Variants in SLF1 observed in about 807,000 individuals in gnomAD.
SLF1 encodes the protein SMC5/6 complex localization factor 1.
A neutral mutation model predicts 123.0 loss-of-function variants in SLF1; 105 were observed. The observed-to-expected ratio is 0.85, with a 90% confidence interval of 0.73 to 1.00. The LOEUF is 1.00. SLF1 is among the 50% of genes least tolerant of loss of function. The pLI is 0.00. For missense variants in SLF1, 1,239 were observed against 1,223.0 expected, an observed-to-expected ratio of 1.01 and a Z score of -0.20; for synonymous variants, 434 against 406.6, an observed-to-expected ratio of 1.07 and a Z score of -0.81.
chr5:94,630,913 A>T (rs893865600), intron 4 of SLF1, among the ~76,000 whole-genome samples, 170 bp downstream of exon 4: 1 of 152,212 alleles, frequency 6.6e-6, no homozygotes, highest in African/African-American at 2.4e-5. Flanking sequence ...TCTTTAATAG[A>T]ACAAAATCTA....
intron 9 of SLF1, 49 bp from the exon 10 acceptor site, chr5:94,662,249 T>C: frequency 6.7e-7 from 1 of 1,482,586 alleles, no homozygotes; most frequent in Non-Finnish European, 9.1e-7. Flanking sequence ...CTGAAATGTA[T>C]TTTTCAATCT....
intron 1 of SLF1, among the ~76,000 whole-genome samples, chr5:94,622,617 T>C (rs1791894464): frequency 6.6e-6 from 1 of 152,186 alleles, no homozygotes; most frequent in African/African-American, 2.4e-5. Flanking sequence ...TTAATCTTTC[T>C]ATATACTTTG....
intron 4 of SLF1, among the ~76,000 whole-genome samples, chr5:94,638,404 C>T (rs1746054538): frequency 6.6e-6 from 1 of 151,990 alleles, no homozygotes; most frequent in South Asian, 2.1e-4. Flanking sequence ...TAGTCTCGAT[C>T]TCTGACCTCG....
At chr5:94,641,077 A>T (rs1437001115) in intron 4 of SLF1, among the ~76,000 whole-genome samples, 1 of 152,136 alleles carries the variant, frequency 6.6e-6, no homozygotes, top group Non-Finnish European at 1.5e-5. Context: ...GAATATTTAT[A>T]TCCAAAAATT....
chr5:94,625,714 T>G lies in SLF1; in HGVS notation c.1-3097T>G, dbSNP rs369387150. ...TATCATTTTCTAAAGGAAATTTGCT[T>G]AAAGGATTTAAAGAAATAATTCCCT... On this transcript the variant is annotated intron_variant, in intron 1 of 20. Coordinates refer to ENST00000265140, the MANE Select transcript of SLF1 (RefSeq NM_032290.4). 7.8e-4 allele frequency among the ~76,000 whole-genome samples: 118 copies of G among 152,246 alleles called. 2 individuals are homozygous for G. In the South Asian group the frequency reaches 0.024, roughly 31 times the overall value.
intron 1 of SLF1, among the ~76,000 whole-genome samples, chr5:94,626,252 C>T (rs1344713392): frequency 1.7e-5 from 1 of 58,388 alleles, no homozygotes; most frequent in African/African-American, 6.3e-5. Context: ...GACTCCATCT[C>T]AAAAAAAAAA....
chr5:94,666,719 C>T (rs943809690), intron 12 of SLF1, among the ~76,000 whole-genome samples: 1 of 152,178 alleles, frequency 6.6e-6, no homozygotes, highest in Admixed American at 6.5e-5. Flanking sequence ...TCACTGTAAC[C>T]TCTACCTCCC....
At chr5:94,661,694 GC>G (rs1445625810) in intron 9 of SLF1, among the ~76,000 whole-genome samples, 1 of 151,790 alleles carries the variant, frequency 6.6e-6, no homozygotes, top group African/African-American at 2.4e-5. Flanking sequence ...CTGCCACCAC[GC>G]CTGGCTAATT....
chr5:94,659,585 A>G (rs1189029174), intron 9 of SLF1, among the ~76,000 whole-genome samples: 1 of 152,092 alleles, frequency 6.6e-6, no homozygotes, highest in Non-Finnish European at 1.5e-5. Context: ...TGATTTCTTC[A>G]TCTGTAGTCA....
upstream of SLF1, chr5:94,618,599 G>C (rs1241671900): frequency 6.5e-6 from 1 of 154,592 alleles, no homozygotes; most frequent in Non-Finnish European, 1.5e-5. Flanking sequence ...GCTCCGGAGC[G>C]TCACTGACAA....
chr5:94,652,142 G>C (rs1747813188), intron 7 of SLF1, among the ~76,000 whole-genome samples: 1 of 151,804 alleles, frequency 6.6e-6, no homozygotes, highest in African/African-American at 2.4e-5. Context: ...CAAGTAGCTG[G>C]GACTACAGGC....
At chr5:94,653,673 G>T (rs1748021723) in intron 8 of SLF1, among the ~76,000 whole-genome samples, 1 of 152,098 alleles carries the variant, frequency 6.6e-6, no homozygotes, top group African/African-American at 2.4e-5. Context: ...ATAAGAAAAA[G>T]AAACTGGAAA....
At chr5:94,665,210 G>A (rs1274641966) in intron 11 of SLF1, among the ~76,000 whole-genome samples, 1 of 152,064 alleles carries the variant, frequency 6.6e-6, no homozygotes, top group East Asian at 1.9e-4. Context: ...CACTTTCAGA[G>A]GCCGAGGCCT....
chr5:94,649,847 ATTACTTAT>A (rs1198782054), intron 6 of SLF1, among the ~76,000 whole-genome samples: 4 of 152,160 alleles, frequency 2.6e-5, no homozygotes, highest in African/African-American at 9.7e-5. Context: ...ACACATGGTA[ATTACTTAT>A]GTAATTACCA....
intron 1 of SLF1, chr5:94,619,926 A>T (rs1281865475): frequency 6.6e-6 from 1 of 151,968 alleles, no homozygotes; most frequent in East Asian, 1.9e-4. Flanking sequence ...TCTGTTGCCC[A>T]GGCTGGAGTG....
At chr5:94,685,382 A>G (rs1171620737) in intron 15 of SLF1, among the ~76,000 whole-genome samples, 1 of 152,036 alleles carries the variant, frequency 6.6e-6, no homozygotes, top group Non-Finnish European at 1.5e-5. Flanking sequence ...CAGTATTTAT[A>G]GTTAATCTCC....
intron 9 of SLF1, among the ~76,000 whole-genome samples, chr5:94,656,684 GTTTC>G (rs140297688): frequency 0.025 from 3,737 of 151,736 alleles, 66 homozygotes; most frequent in Non-Finnish European, 0.033. Flanking sequence ...CAGGTTTTCT[GTTTC>G]TTTCTGATTC....
chr5:94,619,332 C>A (rs1362297300), intron 1 of SLF1, among the ~76,000 whole-genome samples: 1 of 151,912 alleles, frequency 6.6e-6, no homozygotes, highest in Non-Finnish European at 1.5e-5. Flanking sequence ...CTATCTCTGA[C>A]TGCTATAGGC....
At chr5:94,626,154 G>T (rs1053519545) in intron 1 of SLF1, among the ~76,000 whole-genome samples, 8 of 151,500 alleles carry the variant, frequency 5.3e-5, no homozygotes, top group Non-Finnish European at 1.0e-4. Context: ...TCAGGAGGCT[G>T]AGGCCGGAGA....
Sources: gnomAD v4.1 joint callset for allele counts (sites outside exome capture counted in the v4.1 genomes callset) on GRCh38, gnomAD v4.1.1 for gene constraint, MANE v1.5 for transcripts, NCBI Gene and HGNC (gene_info 2026-07-23, HGNC 2026-07-21) for gene names.